Variants in DPP6 observed in about 807,000 individuals in gnomAD.
DPP6 encodes A-type potassium channel modulatory protein DPP6.
In DPP6, 69 loss-of-function variants were observed where a neutral mutation model predicts 122.6. The observed-to-expected ratio is 0.56, with a 90% CI of 0.46 to 0.69. The LOEUF is 0.69. Ranked by LOEUF, DPP6 falls within the 30% of genes least tolerant of loss-of-function variation. The probability of loss-of-function intolerance (pLI) is 0.00; values close to 1 mark genes in which losing one functional copy is unlikely to be tolerated. For synonymous variants in DPP6, 418 were observed against 433.1 expected, an observed-to-expected ratio of 0.97 and a Z score of 0.43; for missense variants, 928 against 1,116.9, an observed-to-expected ratio of 0.83 and a Z score of 2.41.
intron 1 of DPP6, among the ~76,000 whole-genome samples, chr7:154,384,980 ATTTATTTAT>A (rs1489031657): frequency 2.6e-5 from 4 of 151,314 alleles, no homozygotes; most frequent in Admixed American, 1.3e-4. Context: ...AATTTTATTT[ATTTATTTAT>A]TTTGAGAGGG....
chr7:154,298,356 C>A (rs1367332605), intron 1 of DPP6, among the ~76,000 whole-genome samples: 1 of 152,092 alleles, frequency 6.6e-6, no homozygotes, highest in African/African-American at 2.4e-5. Context: ...GGCTCCGGGG[C>A]AGTGGGGGAT....
Position 154,218,853 on chromosome 7 carries a change from A to G in DPP6, c.243+165790A>G, listed in dbSNP as rs138961243. On this transcript the variant is annotated intron_variant, in intron 1 of 25. Coordinates refer to ENST00000377770, the MANE Select transcript of DPP6 (RefSeq NM_130797.4). ...ATATGTACTTTAAATATATGTAGCC[A>G]TCTCCAATTCCCAGAAGATGAGCCA... is the stretch of plus-strand genomic sequence containing the variant. Among the ~76,000 whole-genome samples the G allele has an allele frequency of 6.6e-3, 1,002 of 152,354 alleles. 41 individuals carry two copies. Among genetic ancestry groups the G allele is most frequent in the Admixed American group, 0.054 (823 of 15,298 alleles).
chr7:154,769,591 A>T lies in DPP6; in HGVS notation c.1038+20A>T. 6.4e-7 allele frequency: 1 copy of T among 1,564,276 alleles called. No individual in the cohort carries two copies. Among genetic ancestry groups the T allele is most frequent in the Non-Finnish European group, 8.7e-7 (1 of 1,152,252 alleles). ...CCCAAGGTAGGCAAAGGGACACCGC[A>T]CAGCAAATTCTTTATATTATTCATG... On this transcript the variant is annotated intron_variant, in intron 9 of 25. Transcript: ENST00000377770.
the DPP6 span, among the ~76,000 whole-genome samples, chr7:153,831,663 A>C: frequency 6.6e-6 from 1 of 152,218 alleles, no homozygotes; most frequent in Non-Finnish European, 1.5e-5. Context: ...CATTTCATAT[A>C]ATTTTTTGTG....
At chr7:154,413,476 C>T (rs1816786645) in intron 1 of DPP6, among the ~76,000 whole-genome samples, 1 of 152,126 alleles carries the variant, frequency 6.6e-6, no homozygotes, top group Admixed American at 6.5e-5. Flanking sequence ...TCCATTTCAC[C>T]ATCTTTTATT....
chr7:154,004,029 C>T (rs1236655731), intron 1 of DPP6, among the ~76,000 whole-genome samples: 1 of 152,114 alleles, frequency 6.6e-6, no homozygotes, highest in African/African-American at 2.4e-5. Flanking sequence ...GCTTAGATTA[C>T]TCTTAAGCTC....
At chr7:154,323,530 T>A (rs1208294223) in intron 1 of DPP6, among the ~76,000 whole-genome samples, 2 of 152,186 alleles carry the variant, frequency 1.3e-5, no homozygotes, top group Non-Finnish European at 2.9e-5. Flanking sequence ...TCAACTAACT[T>A]CTGTGGAGCA....
At chr7:153,799,083 G>A in the DPP6 span, among the ~76,000 whole-genome samples, 13 of 152,184 alleles carry the variant, frequency 8.5e-5, no homozygotes, top group African/African-American at 3.1e-4. Context: ...CCTAGACAAG[G>A]CCGTGGACTG....
chr7:154,651,699 C>T (rs1381065239), intron 6 of DPP6, among the ~76,000 whole-genome samples: 2 of 152,132 alleles, frequency 1.3e-5, no homozygotes, highest in Admixed American at 6.5e-5. Context: ...ATTCTCAGCA[C>T]GACTCTGGTT....
At chr7:154,391,461 T>C (rs868082188) in intron 1 of DPP6, among the ~76,000 whole-genome samples, 9 of 152,246 alleles carry the variant, frequency 5.9e-5, no homozygotes, top group Admixed American at 1.3e-4. Flanking sequence ...GGCACATCTC[T>C]GAATGTGCGT....
At chr7:154,449,167 G>A (rs1476075586) in intron 2 of DPP6, among the ~76,000 whole-genome samples, 2 of 151,916 alleles carry the variant, frequency 1.3e-5, no homozygotes, top group Non-Finnish European at 2.9e-5. Context: ...TGCAAATCAG[G>A]TATCTAGTAA....
At chr7:154,585,613 C>T (rs1434748792) in intron 5 of DPP6, among the ~76,000 whole-genome samples, 1 of 152,190 alleles carries the variant, frequency 6.6e-6, no homozygotes, top group African/African-American at 2.4e-5. Flanking sequence ...TCCCTATAAC[C>T]TACACACATC....
intron 11 of DPP6, among the ~76,000 whole-genome samples, chr7:154,794,681 G>A (rs116751359): frequency 0.019 from 2,960 of 152,336 alleles, 87 homozygotes; most frequent in African/African-American, 0.068. Flanking sequence ...AGTGTGTAGT[G>A]AGAGAAGGTA....
intron 1 of DPP6, among the ~76,000 whole-genome samples, chr7:154,306,943 T>A (rs929746732): frequency 6.6e-6 from 1 of 152,220 alleles, no homozygotes; most frequent in Non-Finnish European, 1.5e-5. Flanking sequence ...TGTAATTAAC[T>A]GGGTTTCTTT....
intron 13 of DPP6, 123 bp from the exon 14 acceptor site, chr7:154,803,741 G>T (rs1016797745): frequency 7.1e-7 from 1 of 1,408,622 alleles, no homozygotes. Flanking sequence ...GGGGCAGAGA[G>T]CCCTTCCCAC....
At chr7:154,548,113 G>A (rs893682344) in intron 4 of DPP6, among the ~76,000 whole-genome samples, 15 of 152,274 alleles carry the variant, frequency 9.9e-5, no homozygotes, top group Middle Eastern at 3.4e-3. Flanking sequence ...GGAGGCTGAG[G>A]CAGGAGAATT....
At chr7:154,333,845 A>G (rs1443641042) in intron 1 of DPP6, among the ~76,000 whole-genome samples, 1 of 152,190 alleles carries the variant, frequency 6.6e-6, no homozygotes, top group Non-Finnish European at 1.5e-5. Flanking sequence ...ATAATTTGTA[A>G]TGATTTATAT....
At chr7:154,254,104 G>A (rs1182907877) in intron 1 of DPP6, among the ~76,000 whole-genome samples, 3 of 152,182 alleles carry the variant, frequency 2.0e-5, no homozygotes, top group Admixed American at 6.5e-5. Context: ...AAATTTGGGT[G>A]GGGACACACA....
intron 23 of DPP6, among the ~76,000 whole-genome samples, chr7:154,888,531 G>A (rs1359800251): frequency 2.0e-5 from 3 of 152,214 alleles, no homozygotes; most frequent in Non-Finnish European, 4.4e-5. Flanking sequence ...GGCCGAGGCA[G>A]CACTGCATTT....
Sources: gnomAD v4.1 joint callset for allele counts (sites outside exome capture counted in the v4.1 genomes callset) on GRCh38, gnomAD v4.1.1 for gene constraint, MANE v1.5 for transcripts, NCBI Gene and HGNC (gene_info 2026-07-23, HGNC 2026-07-21) for gene names.